Variants in TTC27 observed in about 807,000 individuals in gnomAD.
TTC27 encodes tetratricopeptide repeat protein 27.
A neutral mutation model predicts 115.9 loss-of-function variants in TTC27; 79 were observed. The ratio of observed to expected loss-of-function variants is 0.68; its 90% CI spans 0.57 to 0.82. The LOEUF is 0.82. TTC27 is among the 40% of genes least tolerant of loss of function. The pLI, the probability that TTC27 is intolerant of heterozygous loss-of-function variation, is 0.00. For missense variants in TTC27, 1,054 were observed against 993.1 expected (o/e 1.06, Z -0.82); for synonymous variants, 401 against 356.0 (o/e 1.13, Z -1.42).
At chr2:32,678,999 T>G in intron 9 of TTC27, 77 bp downstream of exon 9, 1 of 1,291,940 alleles carries the variant, frequency 7.7e-7, no homozygotes, top group Non-Finnish European at 1.1e-6. Context: ...TTGCCTTGGA[T>G]TGTTTATGTT....
chr2:32,816,614 A>T (rs1186563715), intron 18 of TTC27, among the ~76,000 whole-genome samples: 1 of 152,208 alleles, frequency 6.6e-6, no homozygotes, highest in African/African-American at 2.4e-5. Context: ...GTTCCCCAGA[A>T]TGCTGGGAGC....
At chr2:32,739,749 A>G (rs907685788) in intron 12 of TTC27, among the ~76,000 whole-genome samples, 1 of 152,180 alleles carries the variant, frequency 6.6e-6, no homozygotes, top group African/African-American at 2.4e-5. Context: ...CATAGACCCT[A>G]AAAAGTTTTG....
At chr2:32,644,248 A>G (rs1413496844) in intron 4 of TTC27, among the ~76,000 whole-genome samples, 1 of 150,694 alleles carries the variant, frequency 6.6e-6, no homozygotes, top group Non-Finnish European at 1.5e-5. Context: ...GCTACTCAAG[A>G]GGCTGAGGCA....
chr2:32,712,762 G>A (rs1667625066), intron 10 of TTC27, among the ~76,000 whole-genome samples: 1 of 152,138 alleles, frequency 6.6e-6, no homozygotes, highest in East Asian at 1.9e-4. Flanking sequence ...ACCCGGGCTG[G>A]TCTTGAACTC....
chr2:32,672,468 C>A, intron 8 of TTC27, 84 bp downstream of exon 8: 1 of 1,064,920 alleles, frequency 9.4e-7, no homozygotes, highest in Non-Finnish European at 1.4e-6. Context: ...CAAGGAGGTT[C>A]CAAGAGTTCT....
chr2:32,702,518 T>C lies in TTC27; in HGVS notation c.1120-289T>C, dbSNP rs934668586. Among the ~76,000 whole-genome samples the C allele has an allele frequency of 2.0e-5, 3 of 152,296 alleles. No individual in the cohort carries two copies. In the South Asian group the frequency reaches 6.2e-4, roughly 32 times the overall value. ...GGGTTAGGTTTCAGTGTGTGCATAT[T>C]CAGTTTTGATATAGGCCAGTCTTTG... is the stretch of plus-strand genomic sequence containing the variant. On this transcript the variant is annotated intron_variant, in intron 9 of 19. Transcript: ENST00000317907.
At chr2:32,656,507 A>T (rs1025444601) in intron 5 of TTC27, among the ~76,000 whole-genome samples, 1 of 152,160 alleles carries the variant, frequency 6.6e-6, no homozygotes, top group Non-Finnish European at 1.5e-5. Flanking sequence ...CCTGGAGCAG[A>T]GTGTGAAGGG....
chr2:32,816,902 T>G (rs1055625), intron 18 of TTC27, among the ~76,000 whole-genome samples: 2 of 152,042 alleles, frequency 1.3e-5, no homozygotes, highest in East Asian at 3.9e-4. Context: ...TGCATCTGTT[T>G]TTGTCTGTGT....
chr2:32,697,334 C>T (rs574205927), intron 9 of TTC27, among the ~76,000 whole-genome samples: 148 of 152,298 alleles, frequency 9.7e-4, no homozygotes, highest in Non-Finnish European at 1.4e-3. Context: ...GCTTATTTAA[C>T]CTCTCAATAT....
intron 5 of TTC27, among the ~76,000 whole-genome samples, chr2:32,658,048 C>A (rs1013119283): frequency 6.6e-6 from 1 of 152,102 alleles, no homozygotes; most frequent in Non-Finnish European, 1.5e-5. Context: ...AGACTGGTCT[C>A]GATCTCCTGA....
intron 13 of TTC27, among the ~76,000 whole-genome samples, chr2:32,770,733 T>C (rs2148006657): frequency 6.6e-6 from 1 of 152,306 alleles, no homozygotes; most frequent in African/African-American, 2.4e-5. Context: ...ATCTTAGCGG[T>C]TTGTACATGC....
In TTC27 at chr2:32,696,552, C is replaced by T. The variant is rs186887826; in HGVS notation, c.1120-6255C>T. The stretch of plus-strand genomic sequence containing the variant: ...TAAGTGTTCCACCTGCCTCGGCCTC[C>T]GAAAGTACTAGGATTACAGGCATGA... On this transcript the variant is annotated intron_variant, in intron 9 of 19. Coordinates refer to ENST00000317907, the MANE Select transcript of TTC27 (RefSeq NM_017735.5). Among the ~76,000 whole-genome samples, 8 of 152,182 alleles carry T rather than the reference C, an allele frequency of 5.3e-5. No individual in the cohort carries two copies. The East Asian group carries it at 7.8e-4, about 15-fold the overall frequency.
chr2:32,811,250 G>C (rs1671307475), intron 17 of TTC27, 29 bp downstream of exon 17: 2 of 1,596,614 alleles, frequency 1.3e-6, no homozygotes, highest in African/African-American at 1.3e-5. Flanking sequence ...CTGAGTCCTT[G>C]CCTTTCGTTT....
intron 5 of TTC27, among the ~76,000 whole-genome samples, chr2:32,653,726 T>C (rs955690742): frequency 6.6e-6 from 1 of 152,234 alleles, no homozygotes; most frequent in Non-Finnish European, 1.5e-5. Context: ...TCTGTAATTA[T>C]AATTGTCCAT....
At chr2:32,652,479 C>G (rs1251933545) in intron 5 of TTC27, among the ~76,000 whole-genome samples, 1 of 152,076 alleles carries the variant, frequency 6.6e-6, no homozygotes, top group African/African-American at 2.4e-5. Flanking sequence ...AAGTTCCAAA[C>G]CAGAAACTAA....
At chr2:32,682,671 T>TTC (rs1666471529) in intron 9 of TTC27, among the ~76,000 whole-genome samples, 1 of 148,308 alleles carries the variant, frequency 6.7e-6, no homozygotes, top group East Asian at 2.0e-4. Context: ...TAGAAGTCTT[T>TTC]TTTTTTTTTT....
intron 10 of TTC27, among the ~76,000 whole-genome samples, chr2:32,713,866 T>C (rs1667666042): frequency 6.6e-6 from 1 of 152,162 alleles, no homozygotes; most frequent in African/African-American, 2.4e-5. Flanking sequence ...ATTTCGTCAC[T>C]CAGGTAATAA....
intron 12 of TTC27, among the ~76,000 whole-genome samples, chr2:32,741,380 AC>A (rs1431711782): frequency 1.3e-5 from 2 of 151,900 alleles, no homozygotes; most frequent in Non-Finnish European, 2.9e-5. Context: ...GTGGTGGCTC[AC>A]GCCTGTAATC....
chr2:32,715,870 T>G (rs567867230), intron 10 of TTC27, among the ~76,000 whole-genome samples: 47 of 152,142 alleles, frequency 3.1e-4, no homozygotes, highest in African/African-American at 7.7e-4. Context: ...ATGTTTGTTT[T>G]TTTTTTTTAA....
Sources: gnomAD v4.1 joint callset for allele counts (sites outside exome capture counted in the v4.1 genomes callset) on GRCh38, gnomAD v4.1.1 for gene constraint, MANE v1.5 for transcripts, NCBI Gene and HGNC (gene_info 2026-07-23, HGNC 2026-07-21) for gene names.